The following ATP6V0A1 variants were observed in gnomAD, a reference collection of about 807,000 sequenced individuals.
ATP6V0A1 encodes ATPase H+ transporting V0 subunit a1, also known as V-type proton ATPase 116 kDa subunit a 1.
Under a neutral mutation model 105.4 loss-of-function variants are expected in ATP6V0A1, and 43 were observed. That is an observed-to-expected ratio of 0.41 (90% CI 0.32 to 0.53). The LOEUF is 0.53. Ranked by LOEUF, ATP6V0A1 falls within the 20% of genes least tolerant of loss-of-function variation. ATP6V0A1 has a pLI of 0.30. For missense variants in ATP6V0A1, 676 were observed against 1,051.1 expected, an observed-to-expected ratio of 0.64 and a Z score of 4.93; for synonymous variants, 362 against 372.8, an observed-to-expected ratio of 0.97 and a Z score of 0.33.
chr17:42,490,051 G>A (rs1598897617), intron 10 of ATP6V0A1, among the ~76,000 whole-genome samples: 1 of 152,204 alleles, frequency 6.6e-6, no homozygotes. Context: ...GCCTAAGCAT[G>A]CTCAGCCAGA....
At chr17:42,476,796 T>C (rs530064136) in intron 5 of ATP6V0A1, among the ~76,000 whole-genome samples, 13 of 152,304 alleles carry the variant, frequency 8.5e-5, no homozygotes, top group Middle Eastern at 3.4e-3. Context: ...TAGTTTGGTT[T>C]ATTATCTGTT....
intron 17 of ATP6V0A1, among the ~76,000 whole-genome samples, chr17:42,505,069 A>C (rs2091931842): frequency 6.9e-6 from 1 of 144,722 alleles, no homozygotes; most frequent in Non-Finnish European, 1.5e-5. Flanking sequence ...TGAAGTCTTG[A>C]TCTGTCACCC....
intron 15 of ATP6V0A1, among the ~76,000 whole-genome samples, chr17:42,499,542 T>G (rs1598995322): frequency 6.6e-6 from 1 of 152,044 alleles, no homozygotes; most frequent in Non-Finnish European, 1.5e-5. Flanking sequence ...AATCCAGCAC[T>G]TTGGGAAGAT....
chr17:42,495,307 T>C, intron 13 of ATP6V0A1, 119 bp downstream of exon 13: 1 of 1,029,154 alleles, frequency 9.7e-7, no homozygotes. Flanking sequence ...TCCTCATTCA[T>C]GCTCCACACT....
intron 4 of ATP6V0A1, 87 bp from the exon 5 acceptor site, chr17:42,469,976 CCAAGTTCTCTTTGAACTATCGGCTTGG>C: frequency 9.0e-7 from 1 of 1,114,632 alleles, no homozygotes; most frequent in Non-Finnish European, 1.3e-6. Context: ...CTAGGCAAGT[CCAAGTTCTCTTTGAACTATCGGCTTGG>C]CAACAGTTCT....
chr17:42,514,221 AGC>A (rs753465217), intron 20 of ATP6V0A1, 66 bp from the exon 21 acceptor site: 1 of 1,523,706 alleles, frequency 6.6e-7, no homozygotes. Context: ...GGGATGGCAG[AGC>A]AAAATTCATG....
At chr17:42,514,541 C>T in intron 21 of ATP6V0A1, 81 bp downstream of exon 21, 1 of 1,366,804 alleles carries the variant, frequency 7.3e-7, no homozygotes, top group Non-Finnish European at 9.9e-7. Context: ...CTCCCACACA[C>T]AGCCCTGCAG....
rs762749372 is a variant in ATP6V0A1, at chr17:42,507,561, G to A, written c.2046G>A (p.Pro682=). The A allele has an allele frequency of 4.3e-6, 7 of 1,613,568 alleles. No homozygotes were observed. Among genetic ancestry groups the A allele is most frequent in the Admixed American group, 3.3e-5 (2 of 59,978 alleles). The change falls in exon 18 of 22, where the codon CCG becomes CCA. Residue 682 remains proline, a synonymous_variant. Transcript: ENST00000343619. ...NFGGIRVGNG[P]TEEDAEIIQH... Reference sequence around the variant, plus strand: ...GTGGGATCAGGGTGGGCAACGGACCGACAGAGGAGGATGCTGAGATTATTC... The same window carrying A: ...GTGGGATCAGGGTGGGCAACGGACCAACAGAGGAGGATGCTGAGATTATTC...
At position 42,507,085 on chromosome 17, in the gene ATP6V0A1, C is replaced by G. The variant is rs2092073721; in HGVS notation, c.2005-435C>G. On this transcript the variant is annotated intron_variant, in intron 17 of 21. Transcript: ENST00000343619. ...AAAGCTTATCAGACTAGGGTACAAT[C>G]ACAATGTCACTTGGCCCCCCTTCCT... Among the ~76,000 whole-genome samples, 5 of 152,322 alleles carry G rather than the reference C, an allele frequency of 3.3e-5. No individual in the cohort carries two copies. The South Asian group carries it at 1.0e-3, about 32-fold the overall frequency.
rs2089427231 is a variant in ATP6V0A1 at position 42,480,975 on chromosome 17, G to GC, written c.716+227dup. On this transcript the variant is annotated intron_variant, in intron 8 of 21. Transcript: ENST00000343619. Reference sequence around the variant, plus strand: ...CTCACTCTGTTGCCCAGGCTGGAGTGCAGTGGCATGATCACGGCTCACGGC... The same window carrying GC: ...CTCACTCTGTTGCCCAGGCTGGAGTGCCAGTGGCATGATCACGGCTCACGGC... The GC allele has an allele frequency of 2.5e-5, 9 of 353,746 alleles. No homozygotes were observed. The East Asian group carries it at 5.8e-4, about 23-fold the overall frequency. The allele number at this position is 353,746 out of a possible 1,614,324, so 21.9% of individuals were successfully genotyped here.
chr17:42,500,979 G>C, intron 16 of ATP6V0A1, 56 bp downstream of exon 16: 1 of 1,551,040 alleles, frequency 6.4e-7, no homozygotes, highest in Non-Finnish European at 8.9e-7. Context: ...CAGGAAGCCA[G>C]ATGTTTCTCT....
At chr17:42,495,215 A>C in intron 13 of ATP6V0A1, 27 bp downstream of exon 13, 1 of 1,611,156 alleles carries the variant, frequency 6.2e-7, no homozygotes, top group Non-Finnish European at 8.5e-7. Flanking sequence ...GCTAAAATTC[A>C]AAGCTTATTC....
At chr17:42,516,227 A>T (rs138122939) in intron 21 of ATP6V0A1, among the ~76,000 whole-genome samples, 2 of 152,222 alleles carry the variant, frequency 1.3e-5, no homozygotes, top group East Asian at 3.9e-4. Context: ...ACTCCCCTTT[A>T]TCTTTGATTA....
chr17:42,466,580 T>TATTAAGAGGAC, intron 3 of ATP6V0A1, 73 bp downstream of exon 3: 2 of 1,259,886 alleles, frequency 1.6e-6, no homozygotes, highest in South Asian at 1.4e-5. Context: ...ATTAGTCCTC[T>TATTAAGAGGAC]TAATAGAGGA....
chr17:42,520,402 G>C, intron 21 of ATP6V0A1: 1 of 456,458 alleles, frequency 2.2e-6, no homozygotes, highest in Non-Finnish European at 4.4e-6. Flanking sequence ...ATGCTGAACT[G>C]CTGGGAAGGG....
intron 4 of ATP6V0A1, 45 bp downstream of exon 4, chr17:42,468,152 C>T (rs369065480): frequency 3.7e-5 from 50 of 1,346,512 alleles, no homozygotes; most frequent in South Asian, 1.9e-4. Flanking sequence ...TCTACTTGAA[C>T]GCAGAAATTA....
chr17:42,498,228 T>C (rs2091364555), intron 14 of ATP6V0A1, among the ~76,000 whole-genome samples: 1 of 152,066 alleles, frequency 6.6e-6, no homozygotes, highest in East Asian at 1.9e-4. Flanking sequence ...AAGAGCGAAA[T>C]TCCATCTCAA....
intron 4 of ATP6V0A1, among the ~76,000 whole-genome samples, chr17:42,468,823 T>G (rs1346370236): frequency 1.3e-5 from 2 of 150,990 alleles, no homozygotes; most frequent in South Asian, 2.1e-4. Flanking sequence ...TATCGAAACC[T>G]TATTGGAGTA....
intron 14 of ATP6V0A1, chr17:42,496,405 C>A (rs1288629538): frequency 6.6e-6 from 1 of 152,084 alleles, no homozygotes; most frequent in Non-Finnish European, 1.5e-5. Flanking sequence ...TATTTACGAA[C>A]TTACAAAAAC....
Sources: allele counts gnomAD v4.1 joint callset (sites outside exome capture counted in the v4.1 genomes callset), GRCh38; gene constraint gnomAD v4.1.1; transcripts MANE v1.5; gene names NCBI Gene and HGNC (gene_info 2026-07-23, HGNC 2026-07-21).